ZNF705A: variants seen among roughly 807,000 people sequenced by gnomAD.
ZNF705A encodes the protein zinc finger protein 705A.
Under a neutral mutation model 16.6 loss-of-function variants are expected in ZNF705A, and 8 were observed. The ratio of observed to expected loss-of-function variants is 0.48; its 90% CI spans 0.28 to 0.87. ZNF705A has a LOEUF of 0.87. Ranked by LOEUF, ZNF705A falls within the 40% of genes least tolerant of loss-of-function variation. The pLI is 0.10. For synonymous variants in ZNF705A, 73 were observed against 117.3 expected (o/e 0.62, Z 2.44); for missense variants, 233 against 359.9 (o/e 0.65, Z 2.85).
intron 4 of ZNF705A, 43 bp downstream of exon 5, chr12:8,175,985 C>A: frequency 3.1e-6 from 5 of 1,608,924 alleles, no homozygotes; most frequent in Non-Finnish European, 4.2e-6. Context: ...AAGTTAAAGA[C>A]ATGGTAATGG....
At chr12:8,169,697 C>G (rs184741110), upstream of ZNF705A, among the ~76,000 whole-genome samples, 724 of 152,308 alleles carry the variant, frequency 4.8e-3, 1 homozygote, top group African/African-American at 0.017. Flanking sequence ...GCTATTTTTA[C>G]TGAAGATCTG....
Position 8,177,596 on chromosome 12 carries a change from T to A in ZNF705A, c.*13T>A, listed in dbSNP as rs11043759. On this transcript the variant is annotated 3_prime_UTR_variant, in exon 5 of 5. Coordinates refer to ENST00000359286, the Ensembl canonical transcript of ZNF705A. The stretch of plus-strand genomic sequence containing the variant: ...CGACCTTAGATGACATGAGAGAACA[T>A]GCACTGGAGAAAAGCCATATGAATG... 95 of 1,271,104 alleles carry A rather than the reference T, an allele frequency of 7.5e-5. No individual in the cohort carries two copies. In the East Asian group the frequency reaches 2.1e-3, roughly 28 times the overall value. 78.7% of individuals were successfully genotyped at this position (1,271,104 alleles called of 1,614,324 possible). A position where few individuals can be genotyped will look rare whatever the true frequency, so the allele number is the denominator to read the frequency against.
In ZNF705A at chr12:8,177,122, C is replaced by T. The variant is rs1240251203; in HGVS notation, c.442C>T (p.Gln148Ter). 6.2e-7 allele frequency: 1 copy of T among 1,612,004 alleles called. No homozygotes were observed. Among genetic ancestry groups the T allele is most frequent in the South Asian group, 1.1e-5 (1 of 90,992 alleles). ...TGGAAAGAAACCCTATGTCAGCAAACAGTGTGGAAAATCTCTTCGTAATCT... is the reference window on the plus strand; with the variant it reads ...TGGAAAGAAACCCTATGTCAGCAAATAGTGTGGAAAATCTCTTCGTAATCT... The change falls in exon 5 of 5, where the codon CAG (glutamine) becomes TAG (stop). Residue 148 changes from glutamine (Q) to a stop codon, truncating the protein, a stop_gained. Transcript: ENST00000359286. LOFTEE classifies it low-confidence loss of function (END_TRUNC).
Position 8,157,512 on chromosome 12 carries a change from C to T in ZNF705A, c.-72+420C>T, listed in dbSNP as rs372319575. The stretch of plus-strand genomic sequence containing the variant: ...TACTGGCCTTTGATTAATTAATTCT[C>T]TCCAGTGGAAATAATGAGAACATTT... On this transcript the variant is annotated intron_variant, in intron 1 of 5. Transcript: ENST00000396570. 2.8e-4 allele frequency among the ~76,000 whole-genome samples: 42 copies of T among 152,194 alleles called. No individual in the cohort carries two copies. In the South Asian group the frequency reaches 8.3e-3, roughly 30 times the overall value.
rs778960963 is a variant in ZNF705A at position 8,177,200 on chromosome 12, T to C, written c.520T>C (p.Cys174Arg). 4.3e-6 allele frequency: 7 copies of C among 1,611,846 alleles called. 1 individual carries two copies. The highest frequency in any genetic ancestry group is 3.3e-5 in the South Asian group (3 of 90,994). The change falls in exon 5 of 5, where the codon TGT (cysteine) becomes CGT (arginine). Residue 174 changes from cysteine to arginine, a missense_variant. Cys to Arg is a radical substitution (Grantham distance 180). This residue lies in a region of ZNF705A where 220 missense variants were observed against 271.4 expected (regional missense o/e 0.81). Coordinates refer to ENST00000359286, the Ensembl canonical transcript of ZNF705A. ...TCATACTAAAGGTAAATCATATCAA[T>C]GTAATCTATGTGAAAAGGCCTATAC... is the stretch of plus-strand genomic sequence containing the variant.
upstream of ZNF705A, among the ~76,000 whole-genome samples, chr12:8,167,799 G>A (rs1948412242): frequency 6.6e-6 from 1 of 152,168 alleles, no homozygotes; most frequent in Non-Finnish European, 1.5e-5. Context: ...GCATACAGCG[G>A]AAAAAGAGAC....
chr12:8,176,786 C>T (rs768635403), intron 4 of ZNF705A, among the ~76,000 whole-genome samples: 9 of 152,144 alleles, frequency 5.9e-5, no homozygotes, highest in African/African-American at 2.2e-4. Flanking sequence ...AAGGGGGAGG[C>T]AGGTTTCTGT....
upstream of ZNF705A, among the ~76,000 whole-genome samples, chr12:8,170,196 C>CAAAAAAAAAAAAAAAAAAAAAAAA (rs1188328005): frequency 6.8e-4 from 86 of 126,516 alleles, 5 homozygotes; most frequent in African/African-American, 3.0e-3. Flanking sequence ...CCCCCCCCCC[C>CAAAAAAAAAAAAAAAAAAAAAAAA]AAAAAAAAAA....
exon 5 of ZNF705A, chr12:8,177,043 G>A (rs753028243): frequency 1.8e-5 from 29 of 1,610,816 alleles, no homozygotes; most frequent in African/African-American, 4.0e-5. Context: ...GTAATGATTC[G>A]GGAGAAGATT....
chr12:8,165,136 T>C (rs150159745), intron 1 of ZNF705A, among the ~76,000 whole-genome samples: 2,237 of 152,298 alleles, frequency 0.015, 19 homozygotes, highest in Non-Finnish European at 0.016. Flanking sequence ...TGATAATAGC[T>C]ATTCTAAGAG....
intron 1 of ZNF705A, among the ~76,000 whole-genome samples, chr12:8,159,750 G>A (rs1409526684): frequency 6.6e-6 from 1 of 152,244 alleles, no homozygotes; most frequent in South Asian, 2.1e-4. Context: ...TGTATAGATT[G>A]TGAAGATTTT....
At chr12:8,178,943 A>T (rs1948509546) in exon 5 of ZNF705A, 1 of 151,986 alleles carries the variant, frequency 6.6e-6, no homozygotes. Flanking sequence ...CACTAAAACC[A>T]CTTGTTTCCA....
At chr12:8,168,960 TGTATTG>T (rs1205490960), upstream of ZNF705A, 1 of 152,236 alleles carries the variant, frequency 6.6e-6, no homozygotes, top group East Asian at 1.9e-4. Context: ...TTAGCTTTAT[TGTATTG>T]GTACTTTTAC....
At chr12:8,173,186 G>T (rs1373469551) in intron 1 of ZNF705A, among the ~76,000 whole-genome samples, 1 of 152,234 alleles carries the variant, frequency 6.6e-6, no homozygotes, top group Non-Finnish European at 1.5e-5. Context: ...GAAAAGAAGA[G>T]TTTGATAAAA....
chr12:8,178,531 C>T (rs1056281565), exon 5 of ZNF705A: 1 of 152,188 alleles, frequency 6.6e-6, no homozygotes, highest in Non-Finnish European at 1.5e-5. Flanking sequence ...GATTTCTCAT[C>T]AGAAAAGTGA....
chr12:8,170,449 C>T (rs1177341540), upstream of ZNF705A, among the ~76,000 whole-genome samples: 5 of 151,942 alleles, frequency 3.3e-5, no homozygotes, highest in African/African-American at 4.8e-5. Flanking sequence ...TTATAGATTC[C>T]ACACAAGAGT....
chr12:8,163,195 C>T (rs1948371037), intron 1 of ZNF705A, among the ~76,000 whole-genome samples: 2 of 151,998 alleles, frequency 1.3e-5, no homozygotes, highest in Non-Finnish European at 2.9e-5. Flanking sequence ...CTTGATAGCA[C>T]CTATAAAGAT....
intron 1 of ZNF705A, among the ~76,000 whole-genome samples, chr12:8,173,370 A>G (rs1166562935): frequency 6.6e-6 from 1 of 152,238 alleles, no homozygotes; most frequent in Non-Finnish European, 1.5e-5. Context: ...GAAGGAATAT[A>G]GTAGATAGAG....
At chr12:8,179,682 T>C (rs976112760) in exon 5 of ZNF705A, 1 of 152,222 alleles carries the variant, frequency 6.6e-6, no homozygotes, top group Non-Finnish European at 1.5e-5. Flanking sequence ...GTGAGGATAA[T>C]GAGCAAGAAA....
Sources: allele counts gnomAD v4.1 joint callset (sites outside exome capture counted in the v4.1 genomes callset), GRCh38; gene constraint gnomAD v4.1.1; regional missense constraint gnomAD v4.1.1; transcripts MANE v1.5; gene names NCBI Gene and HGNC (gene_info 2026-07-23, HGNC 2026-07-21).